RIT2: variants seen among roughly 807,000 people sequenced by gnomAD.
RIT2 encodes the protein Ras like without CAAX 2.
Under a neutral mutation model 23.7 loss-of-function variants are expected in RIT2, and 24 were observed. The observed-to-expected ratio is 1.01, with a 90% CI of 0.73 to 1.43. The LOEUF is 1.43. Among genes scored for constraint, RIT2 ranks in the 40% most tolerant of loss-of-function variants. RIT2 has a pLI of 0.00. For missense variants in RIT2, 236 were observed against 266.9 expected (o/e 0.88, Z 0.81); for synonymous variants, 107 against 91.1 (o/e 1.17, Z -0.99).
At chr18:42,903,942 G>A (rs1908545303) in intron 4 of RIT2, among the ~76,000 whole-genome samples, 1 of 152,052 alleles carries the variant, frequency 6.6e-6, no homozygotes, top group South Asian at 2.1e-4. Flanking sequence ...AACGCATGTG[G>A]CAGAAGAAAA....
chr18:42,828,680 G>T (rs939311195), intron 4 of RIT2, among the ~76,000 whole-genome samples: 1 of 152,256 alleles, frequency 6.6e-6, no homozygotes, highest in African/African-American at 2.4e-5. Flanking sequence ...TAATTCCAGG[G>T]AAAGAAATAT....
chr18:42,918,499 A>C (rs1455072569), intron 4 of RIT2, among the ~76,000 whole-genome samples: 1 of 152,108 alleles, frequency 6.6e-6, no homozygotes, highest in African/African-American at 2.4e-5. Context: ...TTTTCTCTTC[A>C]AAAAATAAGC....
At chr18:43,047,712 C>G (rs1912281366) in intron 1 of RIT2, among the ~76,000 whole-genome samples, 1 of 151,924 alleles carries the variant, frequency 6.6e-6, no homozygotes, top group Non-Finnish European at 1.5e-5. Context: ...AGGTTTGAAG[C>G]CAGGGGCTCA....
At chr18:42,850,988 T>G (rs1290401600) in intron 4 of RIT2, among the ~76,000 whole-genome samples, 1 of 152,218 alleles carries the variant, frequency 6.6e-6, no homozygotes, top group Admixed American at 6.5e-5. Flanking sequence ...TTTTCATATC[T>G]TCCACATTGC....
chr18:43,057,611 A>G (rs1345118290), intron 1 of RIT2, among the ~76,000 whole-genome samples: 1 of 151,838 alleles, frequency 6.6e-6, no homozygotes, highest in East Asian at 1.9e-4. Context: ...ACATGCATGC[A>G]CATGCATTAA....
At chr18:42,904,950 G>A (rs1440582804) in intron 4 of RIT2, among the ~76,000 whole-genome samples, 1 of 152,072 alleles carries the variant, frequency 6.6e-6, no homozygotes, top group African/African-American at 2.4e-5. Context: ...TCAATAACTA[G>A]GACATAGAAA....
chr18:42,774,582 A>AT lies in RIT2; in HGVS notation c.427-30863dup, dbSNP rs1162795682. 2.6e-4 allele frequency among the ~76,000 whole-genome samples: 39 copies of AT among 150,678 alleles called. No homozygotes were observed. In the East Asian group the frequency reaches 2.9e-3, roughly 11 times the overall value. ...AATCAGGTCAATCAGGTAGACAGGG[A>AT]TATTTTTTTTGAACATTATCAATCG... On this transcript the variant is annotated intron_variant, in intron 4 of 4. Coordinates refer to ENST00000326695, the MANE Select transcript of RIT2 (RefSeq NM_002930.4).
intron 1 of RIT2, among the ~76,000 whole-genome samples, chr18:43,037,815 T>C (rs899200609): frequency 1.3e-5 from 2 of 152,132 alleles, no homozygotes; most frequent in African/African-American, 4.8e-5. Flanking sequence ...CCTGCACTTT[T>C]CTGAACCATG....
rs561107655 is a variant in RIT2, at chr18:43,019,798, G to A, written c.160+14013C>T. ...ATATTTAGAAAACCCTAAAGACTCC[G>A]CTAGAATACACTTAGATCTGATAAA... On this transcript the variant is annotated intron_variant, in intron 2 of 4. Coordinates refer to ENST00000326695, the MANE Select transcript of RIT2 (RefSeq NM_002930.4). Among the ~76,000 whole-genome samples the A allele has an allele frequency of 6.6e-4, 100 of 151,918 alleles. 1 individual carries two copies. The highest frequency in any genetic ancestry group is 1.0e-3 in the Non-Finnish European group (70 of 67,948).
intron 2 of RIT2, among the ~76,000 whole-genome samples, chr18:43,001,006 A>G (rs1338753450): frequency 6.6e-6 from 1 of 152,114 alleles, no homozygotes; most frequent in East Asian, 1.9e-4. Context: ...AAACAATATT[A>G]TCTACTGATC....
intron 4 of RIT2, among the ~76,000 whole-genome samples, chr18:42,917,250 T>G (rs1044589907): frequency 6.6e-6 from 1 of 152,126 alleles, no homozygotes; most frequent in Non-Finnish European, 1.5e-5. Flanking sequence ...AACCCAGGAC[T>G]ATCTGATTCT....
At chr18:42,949,985 G>A (rs1909812205) in intron 3 of RIT2, among the ~76,000 whole-genome samples, 2 of 152,022 alleles carry the variant, frequency 1.3e-5, no homozygotes, top group South Asian at 4.1e-4. Flanking sequence ...TTGACTTTGT[G>A]AAAATTAAAA....
intron 4 of RIT2, among the ~76,000 whole-genome samples, chr18:42,767,618 G>A (rs1913455043): frequency 6.6e-6 from 1 of 152,164 alleles, no homozygotes; most frequent in Non-Finnish European, 1.5e-5. Context: ...CTGTTGGGAA[G>A]GCATGATTGG....
intron 1 of RIT2, among the ~76,000 whole-genome samples, chr18:43,112,581 TA>T (rs755035358): frequency 1.3e-5 from 2 of 152,242 alleles, no homozygotes; most frequent in South Asian, 2.1e-4. Flanking sequence ...AAGTTTCTAT[TA>T]AAAAATATTT....
intron 3 of RIT2, among the ~76,000 whole-genome samples, chr18:42,963,313 T>G (rs1910134540): frequency 6.6e-6 from 1 of 152,198 alleles, no homozygotes. Flanking sequence ...AAGAACCACC[T>G]GCAATATAGC....
intron 2 of RIT2, among the ~76,000 whole-genome samples, chr18:43,022,391 C>G (rs1911617562): frequency 6.6e-6 from 1 of 152,038 alleles, no homozygotes; most frequent in African/African-American, 2.4e-5. Flanking sequence ...TGTGTGGCAG[C>G]AGAGTAGGGT....
chr18:42,898,244 A>T (rs967851371), intron 4 of RIT2, among the ~76,000 whole-genome samples: 1 of 152,120 alleles, frequency 6.6e-6, no homozygotes. Flanking sequence ...TCTACTAAAA[A>T]TTAGCTAAGC....
At chr18:43,083,369 G>C (rs1913204112) in intron 1 of RIT2, among the ~76,000 whole-genome samples, 1 of 152,052 alleles carries the variant, frequency 6.6e-6, no homozygotes. Flanking sequence ...CACAGAATTA[G>C]AAAAAACTAC....
intron 4 of RIT2, among the ~76,000 whole-genome samples, chr18:42,854,552 T>TA (rs1246462970): frequency 3.9e-5 from 6 of 152,138 alleles, no homozygotes; most frequent in Non-Finnish European, 4.4e-5. Context: ...TTTAGGGTCT[T>TA]AAGAGTAACT....
Sources: gnomAD v4.1 joint callset for allele counts (sites outside exome capture counted in the v4.1 genomes callset) on GRCh38, gnomAD v4.1.1 for gene constraint, MANE v1.5 for transcripts, NCBI Gene and HGNC (gene_info 2026-07-23, HGNC 2026-07-21) for gene names.